RAC2: variants seen among roughly 807,000 people sequenced by gnomAD.
RAC2 encodes the protein Rac family small GTPase 2.
In RAC2, 1 loss-of-function variant was observed where a neutral mutation model predicts 24.0. That is an observed-to-expected ratio of 0.04 (90% CI 0.01 to 0.20). RAC2 has a LOEUF of 0.20. Among genes scored for constraint, RAC2 ranks in the 10% least tolerant of loss-of-function variants. The probability of loss-of-function intolerance (pLI) is 1.00; values close to 1 mark genes in which losing one functional copy is unlikely to be tolerated. For synonymous variants in RAC2, 114 were observed against 106.8 expected (o/e 1.07, Z -0.41); for missense variants, 130 against 259.1 (o/e 0.50, Z 3.42).
At chr22:37,227,988 G>C (rs1216736908) in intron 5 of RAC2, among the ~76,000 whole-genome samples, 1 of 152,126 alleles carries the variant, frequency 6.6e-6, no homozygotes. Flanking sequence ...ATCTCTGGGA[G>C]CCTCACCTTC....
rs1158377635 is a variant in RAC2, at chr22:37,231,580, GC to G, written c.289-191del. On this transcript the variant is annotated intron_variant, in intron 4 of 6. Transcript: ENST00000249071. This position sits in a 1 kb window ranked among gnomAD's most constrained non-coding sequence, Gnocchi z 5.5. The stretch of plus-strand genomic sequence containing the variant: ...CAGGGAGGGGAGGCCACGACGTTGT[GC>G]AGGAAGGAGGGGGCGCATGATTGTA... 8.1e-6 allele frequency: 5 copies of G among 619,678 alleles called. No individual in the cohort carries two copies. The highest frequency in any genetic ancestry group is 1.4e-5 in the Non-Finnish European group (5 of 350,918). The allele number at this position is 619,678 out of a possible 1,614,324, so 38.4% of individuals were successfully genotyped here. A position where few individuals can be genotyped will look rare whatever the true frequency, so the allele number is the denominator to read the frequency against.
At chr22:37,236,580 C>G (rs1927229345) in intron 2 of RAC2, among the ~76,000 whole-genome samples, 1 of 152,162 alleles carries the variant, frequency 6.6e-6, no homozygotes, top group African/African-American at 2.4e-5. Context: ...TTGGAGAGAG[C>G]AGAGACCATG....
At chr22:37,235,435 C>T (rs1249340313) in intron 2 of RAC2, among the ~76,000 whole-genome samples, 1 of 152,226 alleles carries the variant, frequency 6.6e-6, no homozygotes, top group Non-Finnish European at 1.5e-5. Context: ...CTCAATGTCA[C>T]CTCCTCCAAG....
chr22:37,244,248 A>T lies in RAC2; in HGVS notation c.-100T>A. The T allele has an allele frequency of 5.8e-6, 8 of 1,368,720 alleles. No individual in the cohort carries two copies. The South Asian group carries it at 7.3e-5, about 12-fold the overall frequency. 84.8% of individuals were successfully genotyped at this position (1,368,720 alleles called of 1,614,324 possible). ...GAGGCTGGTGAGGCGCCTGCTGAGG[A>T]GCAGCGGTGGTGGGGCAGGAGGAAA... On this transcript the variant is annotated 5_prime_UTR_variant, in exon 1 of 7. Transcript: ENST00000249071.
chr22:37,241,021 G>A (rs1441672690), intron 2 of RAC2: 1 of 717,370 alleles, frequency 1.4e-6, no homozygotes, highest in African/African-American at 1.7e-5. Flanking sequence ...TCCTAGGAGT[G>A]ATGGGGACCC....
chr22:37,233,878 C>T (rs763011523), intron 2 of RAC2, among the ~76,000 whole-genome samples: 2 of 152,080 alleles, frequency 1.3e-5, no homozygotes, highest in Non-Finnish European at 2.9e-5. Context: ...TGTCATTCAT[C>T]TCCCATCTTC....
rs929169827 is a variant in RAC2 at position 37,244,261 on chromosome 22, G to T, written c.-113C>A. On this transcript the variant is annotated 5_prime_UTR_variant, in exon 1 of 7. Coordinates refer to ENST00000249071, the MANE Select transcript of RAC2 (RefSeq NM_002872.5). ...CGCCTGCTGAGGAGCAGCGGTGGTG[G>T]GGCAGGAGGAAACGGAAGGGGAACT... is the stretch of plus-strand genomic sequence containing the variant. The T allele has an allele frequency of 6.5e-6, 8 of 1,229,674 alleles. No homozygotes were observed. The highest frequency in any genetic ancestry group is 1.5e-5 in the African/African-American group (1 of 66,974). The allele number at this position is 1,229,674 out of a possible 1,614,324, so 76.2% of individuals were successfully genotyped here. A position where few individuals can be genotyped will look rare whatever the true frequency, so the allele number is the denominator to read the frequency against.
chr22:37,232,273 A>T (rs1433886892), intron 3 of RAC2: 1 of 538,460 alleles, frequency 1.9e-6, no homozygotes, highest in Non-Finnish European at 3.4e-6. Flanking sequence ...TCAGACAGGG[A>T]AAGTGAGGCT....
At position 37,244,109 on chromosome 22, in the gene RAC2, C is replaced by G; in HGVS notation, c.35+5G>C. 6.2e-7 allele frequency: 1 copy of G among 1,614,186 alleles called. No homozygotes were observed. The highest frequency in any genetic ancestry group is 8.5e-7 in the Non-Finnish European group (1 of 1,180,004). On this transcript the variant is annotated splice_donor_5th_base_variant and intron_variant, in intron 1 of 6. Transcript: ENST00000249071. The stretch of plus-strand genomic sequence containing the variant: ...GGCTGTGAGGAAGTCCAGCCAGGTA[C>G]CTACCCATCTCCCACCACCACACAC...
At chr22:37,241,145 T>C (rs1285242915) in intron 2 of RAC2, 1 of 778,882 alleles carries the variant, frequency 1.3e-6, no homozygotes, top group Non-Finnish European at 2.4e-6. Context: ...CATCCTGCAA[T>C]AGAGCGCAGG....
Position 37,244,156 on chromosome 22 carries a change from G to A in RAC2, c.-8C>T, listed in dbSNP as rs776912739. 1.3e-5 allele frequency: 21 copies of A among 1,613,934 alleles called. No homozygotes were observed. The highest frequency in any genetic ancestry group is 6.7e-5 in the Admixed American group (4 of 60,004). On this transcript the variant is annotated 5_prime_UTR_variant, in exon 1 of 7. Coordinates refer to ENST00000249071, the MANE Select transcript of RAC2 (RefSeq NM_002872.5). ...ACACTTGATGGCCTGCATCGTGTCC[G>A]GAGCCTGGAGAGTGTCGGTGGTGAC...
chr22:37,239,749 T>C (rs1472564636), intron 2 of RAC2, among the ~76,000 whole-genome samples: 1 of 151,994 alleles, frequency 6.6e-6, no homozygotes, highest in Non-Finnish European at 1.5e-5. Flanking sequence ...CGGGACAAGG[T>C]CTCAAGCCAG....
intron 2 of RAC2, among the ~76,000 whole-genome samples, chr22:37,240,309 C>T (rs1927348891): frequency 6.6e-6 from 1 of 152,220 alleles, no homozygotes; most frequent in African/African-American, 2.4e-5. Context: ...AATGAGGGCC[C>T]CCGCGAGGTT....
intron 5 of RAC2, among the ~76,000 whole-genome samples, chr22:37,229,303 C>A (rs142272949): frequency 7.9e-5 from 12 of 152,006 alleles, no homozygotes; most frequent in African/African-American, 2.9e-4. Flanking sequence ...GGTGAGGGGG[C>A]GGTGGGGGCA....
At chr22:37,238,675 C>T (rs902625756) in intron 2 of RAC2, among the ~76,000 whole-genome samples, 3 of 152,250 alleles carry the variant, frequency 2.0e-5, no homozygotes, top group Admixed American at 1.3e-4. Flanking sequence ...ATCCCCAACA[C>T]CTAGCACGGG....
At position 37,231,887 on chromosome 22, in the gene RAC2, G is replaced by A; in HGVS notation, c.288+45C>T. ...ACCAGTTCCTCCCTCTGTCCCTCAG[G>A]GTTACCTGCCCCAGAGCCCCCAAGG... On this transcript the variant is annotated intron_variant, in intron 4 of 6. Coordinates refer to ENST00000249071, the MANE Select transcript of RAC2 (RefSeq NM_002872.5). This position sits in a 1 kb window ranked among gnomAD's most constrained non-coding sequence, Gnocchi z 5.5. 6.5e-7 allele frequency: 1 copy of A among 1,544,318 alleles called. No individual in the cohort carries two copies. Among genetic ancestry groups the A allele is most frequent in the Non-Finnish European group, 8.8e-7 (1 of 1,140,754 alleles).
intron 5 of RAC2, among the ~76,000 whole-genome samples, chr22:37,230,264 A>G (rs1322041150): frequency 4.2e-5 from 1 of 23,782 alleles, no homozygotes; most frequent in Non-Finnish European, 8.9e-5. Context: ...CGGCAGGGGG[A>G]GGTGGGGCGG....
chr22:37,238,408 T>A (rs1032992948), intron 2 of RAC2, among the ~76,000 whole-genome samples: 5 of 152,098 alleles, frequency 3.3e-5, no homozygotes, highest in Non-Finnish European at 7.4e-5. Context: ...GGCTAATTTT[T>A]GTATTTTTTG....
In RAC2 at chr22:37,238,966, C is replaced by G. The variant is rs528341117; in HGVS notation, c.107+2621G>C. On this transcript the variant is annotated intron_variant, in intron 2 of 6. Coordinates refer to ENST00000249071, the MANE Select transcript of RAC2 (RefSeq NM_002872.5). ...CTGATCTTGTATCTGCAGCAGGGGC[C>G]TCCCCAACCCCCAGCAAACCTACCA... is the stretch of plus-strand genomic sequence containing the variant. Among the ~76,000 whole-genome samples, 375 of 152,292 alleles carry G rather than the reference C, an allele frequency of 2.5e-3. 2 individuals are homozygous for G. The highest frequency in any genetic ancestry group is 8.9e-3 in the African/African-American group (370 of 41,558).
Sources: gnomAD v4.1 joint callset for allele counts (sites outside exome capture counted in the v4.1 genomes callset) on GRCh38, gnomAD v4.1.1 for gene constraint, Gnocchi (gnomAD v3.1) non-coding constraint, MANE v1.5 for transcripts, NCBI Gene and HGNC (gene_info 2026-07-23, HGNC 2026-07-21) for gene names.